The following GLMN variants were observed in gnomAD, a reference collection of about 807,000 sequenced individuals.
The protein encoded by GLMN is glomulin.
Under a neutral mutation model 87.8 loss-of-function variants are expected in GLMN, and 75 were observed. That is an observed-to-expected ratio of 0.85 (90% confidence interval 0.71 to 1.04). The LOEUF (loss-of-function observed/expected upper bound fraction) is 1.04. Ranked by LOEUF, GLMN falls within the 50% of genes least tolerant of loss-of-function variation. GLMN has a pLI of 0.00. For synonymous variants in GLMN, 206 were observed against 221.6 expected (o/e 0.93, Z 0.63); for missense variants, 588 against 658.8 (o/e 0.89, Z 1.18).
At chr1:92,281,245 G>A (rs565414818) in intron 7 of GLMN, among the ~76,000 whole-genome samples, 70 of 152,252 alleles carry the variant, frequency 4.6e-4, no homozygotes, top group African/African-American at 1.6e-3. Context: ...ACAAAAGGAA[G>A]CCCATCAGAC....
the GLMN span, among the ~76,000 whole-genome samples, chr1:92,369,318 G>A: frequency 2.6e-5 from 4 of 152,144 alleles, no homozygotes; most frequent in African/African-American, 9.7e-5. Context: ...GACAAGGTCT[G>A]TCTCGCTGTT....
chr1:92,369,455 C>T, the GLMN span, among the ~76,000 whole-genome samples: 1 of 152,132 alleles, frequency 6.6e-6, no homozygotes, highest in Non-Finnish European at 1.5e-5. Context: ...CAGGCGTGCA[C>T]CTCCACACTC....
intron 13 of GLMN, among the ~76,000 whole-genome samples, chr1:92,264,940 C>T (rs1008005296): frequency 6.6e-6 from 1 of 152,230 alleles, no homozygotes; most frequent in Non-Finnish European, 1.5e-5. Context: ...CTCCCGGGTT[C>T]AAGCGATTCT....
At chr1:92,322,268 T>C in the GLMN span, among the ~76,000 whole-genome samples, 1 of 151,668 alleles carries the variant, frequency 6.6e-6, no homozygotes, top group African/African-American at 2.4e-5. Flanking sequence ...AGAAAAACTT[T>C]TTTTAAAAAG....
intron 16 of GLMN, among the ~76,000 whole-genome samples, chr1:92,258,602 A>G (rs1006432708): frequency 2.0e-5 from 3 of 152,236 alleles, no homozygotes; most frequent in Non-Finnish European, 4.4e-5. Flanking sequence ...TGTCCTTTGC[A>G]GGGACACGGA....
chr1:92,286,216 T>C (rs545233993), intron 7 of GLMN, among the ~76,000 whole-genome samples: 3 of 150,898 alleles, frequency 2.0e-5, no homozygotes, highest in African/African-American at 7.3e-5. Context: ...AGGAAAAAGG[T>C]AGATTACAAG....
intron 16 of GLMN, among the ~76,000 whole-genome samples, chr1:92,260,966 T>TAACA (rs1448421981): frequency 6.6e-6 from 1 of 152,174 alleles, no homozygotes; most frequent in Non-Finnish European, 1.5e-5. Flanking sequence ...GTTCCATATC[T>TAACA]AACACACCTA....
chr1:92,302,938 C>T (rs1010164521), upstream of GLMN, among the ~76,000 whole-genome samples: 1 of 151,068 alleles, frequency 6.6e-6, no homozygotes, highest in Non-Finnish European at 1.5e-5. Context: ...ATGGCTCATA[C>T]CTGTAATCCC....
chr1:92,269,172 G>A (rs1303611249), intron 9 of GLMN, among the ~76,000 whole-genome samples: 1 of 149,674 alleles, frequency 6.7e-6, no homozygotes, highest in African/African-American at 2.5e-5. Context: ...AAAGTGCTGG[G>A]ATTATAGGCG....
chr1:92,309,440 C>CA, the GLMN span, among the ~76,000 whole-genome samples: 55,831 of 145,670 alleles, frequency 0.38, 11,480 homozygotes, highest in African/African-American at 0.48. Flanking sequence ...GACTCCATCT[C>CA]AAAAAAAAAA....
At chr1:92,311,206 C>CT in the GLMN span, among the ~76,000 whole-genome samples, 1 of 152,174 alleles carries the variant, frequency 6.6e-6, no homozygotes, top group African/African-American at 2.4e-5. Flanking sequence ...CTTCTCAACA[C>CT]TAAGTCTCAG....
the GLMN span, chr1:92,323,979 T>A: frequency 6.2e-7 from 1 of 1,614,164 alleles, no homozygotes; most frequent in South Asian, 1.1e-5. Context: ...CAGTGTCTAG[T>A]TCAGTGCAGG....
At chr1:92,364,399 C>T in the GLMN span, among the ~76,000 whole-genome samples, 1 of 152,036 alleles carries the variant, frequency 6.6e-6, no homozygotes, top group Admixed American at 6.6e-5. Context: ...GTAGAGTTAC[C>T]TAGAAAGAAA....
chr1:92,263,290 C>T (rs961761105), intron 15 of GLMN, among the ~76,000 whole-genome samples: 1 of 151,422 alleles, frequency 6.6e-6, no homozygotes, highest in Non-Finnish European at 1.5e-5. Context: ...ACCTGGAAAA[C>T]AATAAAACAA....
Position 92,247,057 on chromosome 1 carries a change from A to G in GLMN, c.1668+5T>C, listed in dbSNP as rs1652776850. The G allele has an allele frequency of 1.4e-6, 2 of 1,442,456 alleles. No individual in the cohort carries two copies. The highest frequency in any genetic ancestry group is 1.9e-6 in the Non-Finnish European group (2 of 1,025,698). The allele number at this position is 1,442,456 out of a possible 1,614,324, so 89.4% of individuals were successfully genotyped here. On this transcript the variant is annotated splice_donor_5th_base_variant and intron_variant, in intron 18 of 18. Coordinates refer to ENST00000370360, the MANE Select transcript of GLMN (RefSeq NM_053274.3). ...AAAAGGAAAGAAAAGAAAATTTCAG[A>G]TCACCTTAAGCTGCATTTCAGGAGG...
chr1:92,271,680 T>C (rs779889231), intron 7 of GLMN, 28 bp from the exon 8 acceptor site: 4 of 1,503,026 alleles, frequency 2.7e-6, no homozygotes, highest in African/African-American at 2.7e-5. Context: ...AAGGAAACCA[T>C]AGCACACAGA....
intron 5 of GLMN, 97 bp from the exon 6 acceptor site, chr1:92,289,248 T>G (rs937287330): frequency 1.3e-6 from 1 of 780,242 alleles, no homozygotes; most frequent in African/African-American, 1.7e-5. Flanking sequence ...TCCTCCCACA[T>G]TTTAACAACT....
chr1:92,370,593 G>A, the GLMN span, among the ~76,000 whole-genome samples: 3,591 of 152,170 alleles, frequency 0.024, 99 homozygotes, highest in African/African-American at 0.066. Context: ...ACATAGAAGT[G>A]TAGAATCTCC....
the GLMN span, among the ~76,000 whole-genome samples, chr1:92,326,020 TGC>T: frequency 1.3e-5 from 2 of 152,104 alleles, no homozygotes; most frequent in Non-Finnish European, 2.9e-5. Flanking sequence ...TCTGCTAATA[TGC>T]GTATGTATTT....
Sources: allele counts gnomAD v4.1 joint callset (sites outside exome capture counted in the v4.1 genomes callset), GRCh38; gene constraint gnomAD v4.1.1; transcripts MANE v1.5; gene names NCBI Gene and HGNC (gene_info 2026-07-23, HGNC 2026-07-21).